IFNL2: variants seen among roughly 807,000 people sequenced by gnomAD.
IFNL2 encodes interferon lambda 2, also known as interferon lambda-2.
In IFNL2, 17 loss-of-function variants were observed where a neutral mutation model predicts 18.7. That is an observed-to-expected ratio of 0.91 (90% CI 0.62 to 1.36). The LOEUF (loss-of-function observed/expected upper bound fraction) is 1.36, where lower values mean the gene tolerates loss of function less well. IFNL2 is among the 40% of genes most tolerant of loss of function. IFNL2 has a pLI of 0.00. For synonymous variants in IFNL2, 96 were observed against 113.4 expected, an observed-to-expected ratio of 0.85 and a Z score of 0.98; for missense variants, 225 against 257.3, an observed-to-expected ratio of 0.87 and a Z score of 0.86.
At chr19:39,269,115 C>T (rs1313922075) in intron 2 of IFNL2, 37 bp from the exon 3 acceptor site, 1 of 1,599,678 alleles carries the variant, frequency 6.3e-7, no homozygotes, top group Non-Finnish European at 8.5e-7. Flanking sequence ...AACCTCCACC[C>T]CTCCTGCTGG....
Position 39,269,244 on chromosome 19 carries a change from C to G in IFNL2, c.270+15C>G. The G allele has an allele frequency of 6.2e-7, 1 of 1,603,880 alleles. No homozygotes were observed. The highest frequency in any genetic ancestry group is 8.5e-7 in the Non-Finnish European group (1 of 1,175,262). On this transcript the variant is annotated intron_variant, in intron 3 of 5. Transcript: ENST00000331982. The stretch of plus-strand genomic sequence containing the variant: ...GGCAGCTGCAGGTGAGAGGGGGAGT[C>G]AGGCCCACCCCTGCTCTCCCAGCCC...
rs1350571755 is a variant in IFNL2 at position 39,269,550 on chromosome 19, C to T, written c.333C>T (p.Ala111=). 2 of 1,614,214 alleles carry T rather than the reference C, an allele frequency of 1.2e-6. No individual in the cohort carries two copies. Among genetic ancestry groups the T allele is most frequent in the Non-Finnish European group, 1.7e-6 (2 of 1,180,040 alleles). Residue 111 remains alanine (A), a synonymous_variant, in exon 4 of 6, where the codon GCC becomes GCT. Coordinates refer to ENST00000331982, the MANE Select transcript of IFNL2 (RefSeq NM_172138.2). ...CCCTGACGCTGAAGGTTCTGGAGGC[C>T]ACCGCTGACACTGACCCAGCCCTGG... ...ELALTLKVLE[A]TADTDPALVD... is the part of the protein sequence containing the mutation.
At position 39,269,646 on chromosome 19, in the gene IFNL2, T is replaced by C. The variant is rs560793188; in HGVS notation, c.420+9T>C. On this transcript the variant is annotated intron_variant, in intron 4 of 5. Transcript: ENST00000331982. ...CCCAGTTCCGGGCCTGTGTGAGTCG[T>C]TGGGGCCTGGGCACCCAGGTCTGTG... 5.0e-6 allele frequency: 8 copies of C among 1,613,664 alleles called. No individual in the cohort carries two copies. In the East Asian group the frequency reaches 1.3e-4, roughly 27 times the overall value.
At chr19:39,269,458 C>T (rs764662143) in intron 3 of IFNL2, 30 bp from the exon 4 acceptor site, 3 of 1,613,218 alleles carry the variant, frequency 1.9e-6, no homozygotes, top group Admixed American at 1.7e-5. Flanking sequence ...TCACCTCCCC[C>T]CTCACCTGCT....
Position 39,269,548 on chromosome 19 carries a change from G to A in IFNL2, c.331G>A (p.Ala111Thr), listed in dbSNP as rs2075027800. 1 of 1,614,198 alleles carries A rather than the reference G, an allele frequency of 6.2e-7. No homozygotes were observed. Among genetic ancestry groups the A allele is most frequent in the Non-Finnish European group, 8.5e-7 (1 of 1,180,042 alleles). Residue 111 changes from alanine to threonine, a missense_variant, in exon 4 of 6, where the codon GCC becomes ACC. Ala to Thr is a moderately conservative substitution (Grantham distance 58). Coordinates refer to ENST00000331982, the MANE Select transcript of IFNL2 (RefSeq NM_172138.2). ...ELALTLKVLEATADTDPALVD... is the reference protein window; with the variant it reads ...ELALTLKVLETTADTDPALVD... ...GGCCCTGACGCTGAAGGTTCTGGAGGCCACCGCTGACACTGACCCAGCCCT... is the reference window on the plus strand; with the variant it reads ...GGCCCTGACGCTGAAGGTTCTGGAGACCACCGCTGACACTGACCCAGCCCT...
rs754182150 is a variant in IFNL2, at chr19:39,269,538, G to A, written c.321G>A (p.Lys107=). ...AGGCTGAGCTGGCCCTGACGCTGAAGGTTCTGGAGGCCACCGCTGACACTG... is the reference window on the plus strand; with the variant it reads ...AGGCTGAGCTGGCCCTGACGCTGAAAGTTCTGGAGGCCACCGCTGACACTG... ...ALEAELALTL[K]VLEATADTDP... is the part of the protein sequence containing the mutation. Residue 107 remains lysine (K), a synonymous_variant, in exon 4 of 6, where the codon AAG becomes AAA. Transcript: ENST00000331982. 1.2e-6 allele frequency: 2 copies of A among 1,614,220 alleles called. No homozygotes were observed. The highest frequency in any genetic ancestry group is 3.3e-4 in the Middle Eastern group (2 of 6,062).
In IFNL2 at chr19:39,270,001, C is replaced by A; in HGVS notation, c.591C>A (p.Asp197Glu). The change falls in exon 6 of 6, where the codon GAC becomes GAA. Residue 197 changes from aspartate to glutamate, a missense_variant. Transcript: ENST00000331982. ...TRDLNCVASG[D>E]LCV The stretch of plus-strand genomic sequence containing the variant: ...ACCTGAATTGTGTTGCCAGTGGGGA[C>A]CTGTGTGTCTGACCCTCCCACCAGT... The A allele has an allele frequency of 6.3e-7, 1 of 1,597,948 alleles. No individual in the cohort carries two copies.
In IFNL2 at chr19:39,269,642, G is replaced by A; in HGVS notation, c.420+5G>A. ...CTCTCCCAGTTCCGGGCCTGTGTGA[G>A]TCGTTGGGGCCTGGGCACCCAGGTC... On this transcript the variant is annotated splice_donor_5th_base_variant and intron_variant, in intron 4 of 5. Coordinates refer to ENST00000331982, the MANE Select transcript of IFNL2 (RefSeq NM_172138.2). The A allele has an allele frequency of 6.2e-7, 1 of 1,613,830 alleles. No individual in the cohort carries two copies. Among genetic ancestry groups the A allele is most frequent in the Middle Eastern group, 1.7e-4 (1 of 6,056 alleles).
rs1171192927 is a variant in IFNL2, at chr19:39,268,770, T to A, written c.104T>A (p.Leu35His). 6.8e-6 allele frequency: 11 copies of A among 1,613,506 alleles called. No individual in the cohort carries two copies. In the Admixed American group the frequency reaches 1.8e-4, roughly 27 times the overall value. Reference sequence around the variant, plus strand: ...CCTGTCGCCAGGCTCCACGGGGCTCTCCCGGATGCAAGGGGCTGCCACATA... The same window carrying A: ...CCTGTCGCCAGGCTCCACGGGGCTCACCCGGATGCAAGGGGCTGCCACATA... ...AVPVARLHGA[L>H]PDARGCHIAQ... Residue 35 changes from leucine to histidine, a missense_variant, in exon 2 of 6, where the codon CTC (leucine) becomes CAC (histidine). By Grantham distance (99) the Leu-to-His change is moderately conservative (BLOSUM62 -3). Transcript: ENST00000331982.
rs770618671 is a variant in IFNL2, at chr19:39,268,666, C to G, written c.11-11C>G. 181 of 1,613,672 alleles carry G rather than the reference C, an allele frequency of 1.1e-4. No individual in the cohort carries two copies. Among genetic ancestry groups the G allele is most frequent in the Non-Finnish European group, 1.5e-4 (173 of 1,179,876 alleles). On this transcript the variant is annotated splice_polypyrimidine_tract_variant and intron_variant, in intron 1 of 5. Coordinates refer to ENST00000331982, the MANE Select transcript of IFNL2 (RefSeq NM_172138.2). ...TCCATCCCCTCAGCTCCCTTTCTCT[C>G]TGTGACACAGACATGACTGGGGACT...
rs375675009 is a variant in IFNL2 at position 39,269,831 on chromosome 19, C to T, written c.504+10C>T. The T allele has an allele frequency of 2.4e-4, 379 of 1,608,248 alleles. No individual in the cohort carries two copies. The highest frequency in any genetic ancestry group is 2.9e-4 in the Non-Finnish European group (347 of 1,177,372). The stretch of plus-strand genomic sequence containing the variant: ...GGAGGCCCCAAAAAAGGTGAGTGAC[C>T]CGGGAAGAGAGGGACTGAGGTCTGG... On this transcript the variant is annotated intron_variant, in intron 5 of 5. Coordinates refer to ENST00000331982, the MANE Select transcript of IFNL2 (RefSeq NM_172138.2).
At chr19:39,268,958 C>T in intron 2 of IFNL2, 100 bp downstream of exon 2, 1 of 1,467,592 alleles carries the variant, frequency 6.8e-7, no homozygotes. Flanking sequence ...GGGCTAGCCT[C>T]CACCCTCCCT....
Position 39,269,159 on chromosome 19 carries a change from C to T in IFNL2, c.200C>T (p.Ser67Leu), listed in dbSNP as rs778185023. ...FKRAKDALEESLLLKDCRCHS... is the reference protein window; with the variant it reads ...FKRAKDALEELLLLKDCRCHS... The stretch of plus-strand genomic sequence containing the variant: ...TGTGCCTTTGCTGTCTAGGAAGAGT[C>T]GCTTCTGCTGAAGGACTGCAGGTGC... Residue 67 changes from serine (S) to leucine (L), a missense_variant, in exon 3 of 6, where the codon TCG becomes TTG. By Grantham distance (145) the Ser-to-Leu change is moderately radical. Transcript: ENST00000331982. 9.3e-6 allele frequency: 15 copies of T among 1,611,396 alleles called. No homozygotes were observed. The Admixed American group carries it at 1.0e-4, about 11-fold the overall frequency.
rs199501344 is a variant in IFNL2, at chr19:39,268,773, C to T, written c.107C>T (p.Pro36Leu). 5.8e-5 allele frequency: 94 copies of T among 1,613,532 alleles called. No homozygotes were observed. Among genetic ancestry groups the T allele is most frequent in the South Asian group, 9.9e-5 (9 of 91,068 alleles). ...GTCGCCAGGCTCCACGGGGCTCTCC[C>T]GGATGCAAGGGGCTGCCACATAGCC... ...VPVARLHGAL[P>L]DARGCHIAQF... Residue 36 changes from proline to leucine, a missense_variant, in exon 2 of 6, where the codon CCG (proline) becomes CTG (leucine). By Grantham distance (98) the Pro-to-Leu change is moderately conservative. Transcript: ENST00000331982.
intron 3 of IFNL2, 110 bp downstream of exon 3, chr19:39,269,339 C>T (rs2075026858): frequency 6.8e-7 from 1 of 1,474,304 alleles, no homozygotes; most frequent in South Asian, 1.3e-5. Flanking sequence ...TCTCCTCACA[C>T]CTGCTCTCCC....
Position 39,269,499 on chromosome 19 carries a change from C to T in IFNL2, c.282C>T (p.Arg94=). The T allele has an allele frequency of 2.5e-6, 4 of 1,614,212 alleles. No homozygotes were observed. Among genetic ancestry groups the T allele is most frequent in the Non-Finnish European group, 2.5e-6 (3 of 1,180,046 alleles). Residue 94 remains arginine, a synonymous_variant, in exon 4 of 6, where the codon CGC becomes CGT. Coordinates refer to ENST00000331982, the MANE Select transcript of IFNL2 (RefSeq NM_172138.2). The part of the protein sequence containing the change: ...WDLRQLQVRE[R]PMALEAELAL... ...TCACCTCTCCTCAGGTGAGGGAGCG[C>T]CCCATGGCTTTGGAGGCTGAGCTGG... is the stretch of plus-strand genomic sequence containing the variant.
chr19:39,269,563 G>T lies in IFNL2; in HGVS notation c.346G>T (p.Asp116Tyr). The change falls in exon 4 of 6, where the codon GAC becomes TAC. Residue 116 changes from aspartate (D) to tyrosine (Y), a missense_variant. Coordinates refer to ENST00000331982, the MANE Select transcript of IFNL2 (RefSeq NM_172138.2). ...LKVLEATADT[D>Y]PALVDVLDQP... ...GGTTCTGGAGGCCACCGCTGACACT[G>T]ACCCAGCCCTGGTGGACGTCTTGGA... 6.2e-7 allele frequency: 1 copy of T among 1,614,194 alleles called. No individual in the cohort carries two copies. Among genetic ancestry groups the T allele is most frequent in the East Asian group, 2.2e-5 (1 of 44,884 alleles).
Position 39,269,585 on chromosome 19 carries a change from T to G in IFNL2, c.368T>G (p.Leu123Trp), listed in dbSNP as rs761191388. Residue 123 changes from leucine (L) to tryptophan (W), a missense_variant, in exon 4 of 6, where the codon TTG becomes TGG. Physicochemically the swap from Leu to Trp is moderately conservative, Grantham distance 61. Transcript: ENST00000331982. Reference sequence around the variant, plus strand: ...ACTGACCCAGCCCTGGTGGACGTCTTGGACCAGCCCCTTCACACCCTGCAC... The same window carrying G: ...ACTGACCCAGCCCTGGTGGACGTCTGGGACCAGCCCCTTCACACCCTGCAC... ...ADTDPALVDVLDQPLHTLHHI... is the reference protein window; with the variant it reads ...ADTDPALVDVWDQPLHTLHHI... 2.5e-6 allele frequency: 4 copies of G among 1,614,192 alleles called. No homozygotes were observed. The highest frequency in any genetic ancestry group is 1.3e-5 in the African/African-American group (1 of 75,020).
Position 39,268,832 on chromosome 19 carries a change from G to T in IFNL2, c.166G>T (p.Ala56Ser). 6.2e-7 allele frequency: 1 copy of T among 1,613,320 alleles called. No individual in the cohort carries two copies. The highest frequency in any genetic ancestry group is 2.2e-5 in the East Asian group (1 of 44,864). Residue 56 changes from alanine (A) to serine (S), a missense_variant, in exon 2 of 6, where the codon GCC becomes TCC. By Grantham distance (99) the Ala-to-Ser change is moderately conservative (BLOSUM62 1). Transcript: ENST00000331982. Reference sequence around the variant, plus strand: ...GTCCCTGTCTCCACAGGAGCTGCAGGCCTTTAAGAGGGCCAAAGATGCCTT... The same window carrying T: ...GTCCCTGTCTCCACAGGAGCTGCAGTCCTTTAAGAGGGCCAAAGATGCCTT... ...FKSLSPQELQ[A>S]FKRAKDALEE...
Sources: allele counts gnomAD v4.1 joint callset, GRCh38; gene constraint gnomAD v4.1.1; transcripts MANE v1.5; gene names NCBI Gene and HGNC (gene_info 2026-07-23, HGNC 2026-07-21).